The following ARNT2 variants were observed in gnomAD, a reference collection of about 807,000 sequenced individuals.
ARNT2 encodes the protein aryl hydrocarbon receptor nuclear translocator 2.
In ARNT2, 36 loss-of-function variants were observed where a neutral mutation model predicts 91.7. That is an observed-to-expected ratio of 0.39 (90% CI 0.30 to 0.52). The LOEUF is 0.52. Among genes scored for constraint, ARNT2 ranks in the 20% least tolerant of loss-of-function variants. ARNT2 has a pLI of 0.72. For missense variants in ARNT2, 775 were observed against 939.3 expected, an observed-to-expected ratio of 0.83 and a Z score of 2.29; for synonymous variants, 365 against 347.1, an observed-to-expected ratio of 1.05 and a Z score of -0.57.
intron 1 of ARNT2, among the ~76,000 whole-genome samples, chr15:80,439,382 T>C (rs1896151480): frequency 6.6e-6 from 1 of 152,192 alleles, no homozygotes; most frequent in Admixed American, 6.5e-5. Context: ...ATTTGACTGT[T>C]TGTCCTTTCA....
intron 8 of ARNT2, among the ~76,000 whole-genome samples, chr15:80,533,946 G>A (rs1372167995): frequency 6.6e-6 from 1 of 152,184 alleles, no homozygotes; most frequent in Non-Finnish European, 1.5e-5. Flanking sequence ...TGGCCCTGTA[G>A]CAAACACTGT....
chr15:80,477,967 A>G (rs781432125), intron 5 of ARNT2, among the ~76,000 whole-genome samples: 4 of 152,204 alleles, frequency 2.6e-5, no homozygotes, highest in Non-Finnish European at 4.4e-5. Flanking sequence ...GTGTAAAGAC[A>G]GTGTCTTTTT....
At chr15:80,589,604 G>A (rs562896395) in intron 17 of ARNT2, among the ~76,000 whole-genome samples, 1 of 152,304 alleles carries the variant, frequency 6.6e-6, no homozygotes, top group Non-Finnish European at 1.5e-5. Flanking sequence ...TGGACCCACT[G>A]AAGGCCCCAT....
Position 80,524,987 on chromosome 15 carries a change from A to G in ARNT2, c.877+10582A>G, listed in dbSNP as rs151089952. On this transcript the variant is annotated intron_variant, in intron 8 of 18. Transcript: ENST00000303329. The stretch of plus-strand genomic sequence containing the variant: ...TTTAAATTATAAGTGAATCAAGTGT[A>G]TCTATGCGTTGAAAAATGATACGGA... Among the ~76,000 whole-genome samples the G allele has an allele frequency of 6.2e-3, 937 of 152,332 alleles. 5 individuals carry two copies. The highest frequency in any genetic ancestry group is 0.021 in the African/African-American group (853 of 41,580).
chr15:80,440,338 T>A (rs1215082307), intron 1 of ARNT2, among the ~76,000 whole-genome samples: 1 of 152,196 alleles, frequency 6.6e-6, no homozygotes, highest in Non-Finnish European at 1.5e-5. Context: ...TGCTCCAGAA[T>A]CATATCCTTG....
intron 1 of ARNT2, among the ~76,000 whole-genome samples, chr15:80,450,673 T>A (rs1440994344): frequency 6.6e-6 from 1 of 152,182 alleles, no homozygotes; most frequent in African/African-American, 2.4e-5. Flanking sequence ...AATCAGTAAA[T>A]ATGAGAGTAC....
chr15:80,564,495 A>G (rs1898436585), intron 12 of ARNT2, among the ~76,000 whole-genome samples: 1 of 151,512 alleles, frequency 6.6e-6, no homozygotes, highest in Non-Finnish European at 1.5e-5. Context: ...AGACAAGCCC[A>G]TGAGAGAACC....
intron 4 of ARNT2, among the ~76,000 whole-genome samples, chr15:80,474,058 C>T (rs1896767910): frequency 6.6e-6 from 1 of 152,138 alleles, no homozygotes; most frequent in Non-Finnish European, 1.5e-5. Context: ...CTCCTGCAGG[C>T]ACAAAGCCCA....
intron 12 of ARNT2, among the ~76,000 whole-genome samples, chr15:80,569,051 C>T (rs1184666176): frequency 6.6e-6 from 1 of 152,246 alleles, no homozygotes; most frequent in African/African-American, 2.4e-5. Context: ...AATAGGCATG[C>T]AGATGGTGCT....
chr15:80,438,188 T>C (rs150703846), intron 1 of ARNT2, among the ~76,000 whole-genome samples: 258 of 152,350 alleles, frequency 1.7e-3, no homozygotes, highest in Non-Finnish European at 2.7e-3. Flanking sequence ...CAGAAACAGT[T>C]GTATCTAGAC....
chr15:80,551,465 G>A (rs1898079169), intron 9 of ARNT2, among the ~76,000 whole-genome samples, 190 bp downstream of exon 9: 1 of 152,216 alleles, frequency 6.6e-6, no homozygotes, highest in South Asian at 2.1e-4. Context: ...TGTAAGCAGA[G>A]TTCTTACTGA....
intron 8 of ARNT2, among the ~76,000 whole-genome samples, chr15:80,519,684 C>CTTTTTTT (rs1172255165): frequency 8.2e-6 from 1 of 121,270 alleles, no homozygotes; most frequent in Non-Finnish European, 1.7e-5. Flanking sequence ...AGGTATGTAG[C>CTTTTTTT]TTTTTTTTTT....
intron 1 of ARNT2, among the ~76,000 whole-genome samples, chr15:80,410,260 G>A (rs1276106934): frequency 6.6e-6 from 1 of 152,176 alleles, no homozygotes; most frequent in East Asian, 1.9e-4. Context: ...TTACTTCCCT[G>A]TCCATCCCTT....
At chr15:80,406,034 G>A (rs1488509920) in intron 1 of ARNT2, among the ~76,000 whole-genome samples, 2 of 152,170 alleles carry the variant, frequency 1.3e-5, no homozygotes, top group Non-Finnish European at 2.9e-5. Flanking sequence ...AGACAGGGAG[G>A]CCAGCATGAA....
At position 80,528,485 on chromosome 15, in the gene ARNT2, C is replaced by CT. The variant is rs1419372780; in HGVS notation, c.877+14081dup. ...GACATCTATCTATCCATCTAACTAT[C>CT]TATCTACTATGGTGTGGTTTGTTTG... On this transcript the variant is annotated intron_variant, in intron 8 of 18. Transcript: ENST00000303329. Among the ~76,000 whole-genome samples the CT allele has an allele frequency of 3.3e-5, 5 of 152,072 alleles. No homozygotes were observed. The South Asian group carries it at 1.0e-3, about 32-fold the overall frequency.
chr15:80,574,091 G>A, intron 12 of ARNT2, 57 bp from the exon 13 acceptor site: 1 of 1,480,214 alleles, frequency 6.8e-7, no homozygotes, highest in East Asian at 2.3e-5. Flanking sequence ...TCCTGGCTTA[G>A]CCCTATTGTC....
chr15:80,565,645 T>C (rs1253827034), intron 12 of ARNT2, among the ~76,000 whole-genome samples: 1 of 152,196 alleles, frequency 6.6e-6, no homozygotes, highest in Non-Finnish European at 1.5e-5. Context: ...GATGAGCATT[T>C]TTTTCATTTG....
At chr15:80,581,430 T>G (rs1338648741) in intron 17 of ARNT2, 26 bp downstream of exon 17, 1 of 1,613,392 alleles carries the variant, frequency 6.2e-7, no homozygotes. Context: ...GGGAGTGAGA[T>G]TCTGGGAAAG....
intron 1 of ARNT2, among the ~76,000 whole-genome samples, chr15:80,445,395 C>T (rs1429920717): frequency 2.6e-5 from 3 of 114,260 alleles, no homozygotes; most frequent in Admixed American, 9.1e-5. Context: ...GTGCAGGTGT[C>T]GTGTATGTGT....
Sources: gnomAD v4.1 joint callset for allele counts (sites outside exome capture counted in the v4.1 genomes callset) on GRCh38, gnomAD v4.1.1 for gene constraint, MANE v1.5 for transcripts, NCBI Gene and HGNC (gene_info 2026-07-23, HGNC 2026-07-21) for gene names.